The following CD22 variants were observed in gnomAD, a reference collection of about 807,000 sequenced individuals.
CD22 encodes CD22 molecule.
In CD22, 51 loss-of-function variants were observed where a neutral mutation model predicts 94.7. The observed-to-expected ratio is 0.54, with a 90% CI of 0.43 to 0.68. CD22 has a LOEUF of 0.68. CD22 is among the 30% of genes least tolerant of loss of function. The pLI is 0.00. For missense variants in CD22, 931 were observed against 1,060.4 expected (o/e 0.88, Z 1.69); for synonymous variants, 424 against 422.5 (o/e 1.00, Z -0.04).
In CD22 at chr19:35,346,193, C is replaced by T. The variant is rs79438722; in HGVS notation, c.2370C>T (p.Cys790=). 0.048 allele frequency: 76,754 copies of T among 1,613,584 alleles called. 2,068 individuals carry two copies. Among genetic ancestry groups the T allele is most frequent in the Non-Finnish European group, 0.056 (66,561 of 1,179,560 alleles). The change falls in exon 13 of 14, where the codon TGC becomes TGT. Residue 790 remains cysteine, a synonymous_variant. Coordinates refer to ENST00000085219, the MANE Select transcript of CD22 (RefSeq NM_001771.4). ...AGATGCAGAGACCTCCCCCGGACTG[C>T]GATGACACGGTCACTTATTCAGCAT... is the stretch of plus-strand genomic sequence containing the variant. ...SSEMQRPPPD[C]DDTVTYSALH...
At chr19:35,345,005 A>G in intron 10 of CD22, 46 bp from the exon 11 acceptor site, 1 of 1,603,902 alleles carries the variant, frequency 6.2e-7, no homozygotes, top group Non-Finnish European at 8.5e-7. Flanking sequence ...CGAAGCCTCC[A>G]GCCTGTGGAG....
Position 35,341,194 on chromosome 19 carries a change from G to A in CD22, c.1507+56G>A. On this transcript the variant is annotated intron_variant, in intron 7 of 13. Coordinates refer to ENST00000085219, the MANE Select transcript of CD22 (RefSeq NM_001771.4). This position sits in a 1 kb window ranked among gnomAD's most constrained non-coding sequence, Gnocchi z 4.0. ...GGAGGTGGCCCGGCTGGGATGAGGGGATGAAGGCAACGAGGCCGGAGCCTG... is the reference window on the plus strand; with the variant it reads ...GGAGGTGGCCCGGCTGGGATGAGGGAATGAAGGCAACGAGGCCGGAGCCTG... 2.5e-6 allele frequency: 4 copies of A among 1,610,018 alleles called. No individual in the cohort carries two copies. Among genetic ancestry groups the A allele is most frequent in the East Asian group, 2.2e-5 (1 of 44,788 alleles).
At position 35,341,206 on chromosome 19, in the gene CD22, G is replaced by A. The variant is rs191508314; in HGVS notation, c.1507+68G>A. The A allele has an allele frequency of 2.6e-5, 41 of 1,607,438 alleles. No individual in the cohort carries two copies. Among genetic ancestry groups the A allele is most frequent in the African/African-American group, 9.3e-5 (7 of 74,874 alleles). On this transcript the variant is annotated intron_variant, in intron 7 of 13. Transcript: ENST00000085219. This position sits in a 1 kb window ranked among gnomAD's most constrained non-coding sequence, Gnocchi z 4.0. ...GCTGGGATGAGGGGATGAAGGCAAC[G>A]AGGCCGGAGCCTGGGCCAGTGTCTT...
At chr19:35,343,725 A>G (rs1482168152) in intron 9 of CD22, among the ~76,000 whole-genome samples, 8 of 151,722 alleles carry the variant, frequency 5.3e-5, no homozygotes, top group Admixed American at 2.0e-4. Flanking sequence ...GCAGGATCTC[A>G]TCTCTACAAA....
Position 35,341,806 on chromosome 19 carries a change from C to T in CD22, c.1876C>T (p.His626Tyr), listed in dbSNP as rs191533580. ...CESDANPPVS[H>Y]YTWFDWNNQS... Reference sequence around the variant, plus strand: ...GAGCGACGCCAACCCTCCCGTCTCCCACTACACCTGGTTTGACTGGAATAA... The same window carrying T: ...GAGCGACGCCAACCCTCCCGTCTCCTACTACACCTGGTTTGACTGGAATAA... Residue 626 changes from histidine (H) to tyrosine (Y), a missense_variant, in exon 9 of 14, where the codon CAC becomes TAC. Physicochemically the swap from His to Tyr is moderately conservative, Grantham distance 83. Transcript: ENST00000085219. This position sits in a 1 kb window ranked among gnomAD's most constrained non-coding sequence, Gnocchi z 4.0. 475 of 1,613,904 alleles carry T rather than the reference C, an allele frequency of 2.9e-4. No homozygotes were observed. The highest frequency in any genetic ancestry group is 3.8e-4 in the Non-Finnish European group (449 of 1,180,024).
Position 35,332,962 on chromosome 19 carries a change from G to C in CD22, c.412+38G>C, listed in dbSNP as rs763921154. The stretch of plus-strand genomic sequence containing the variant: ...GGGAGCGGGTCCTCTGCTCTGGGCA[G>C]GGGTGAGTGGGAGGCAGGAAATACC... On this transcript the variant is annotated intron_variant, in intron 3 of 13. Transcript: ENST00000085219. The C allele has an allele frequency of 1.1e-5, 17 of 1,586,578 alleles. No individual in the cohort carries two copies. In the Admixed American group the frequency reaches 2.8e-4, roughly 26 times the overall value.
intron 4 of CD22, chr19:35,336,569 T>C (rs528886194): frequency 2.4e-4 from 128 of 542,152 alleles, no homozygotes; most frequent in African/African-American, 2.0e-3. Flanking sequence ...GGGGATTATC[T>C]GGTTAGGTCT....
chr19:35,329,555 T>C, intron 1 of CD22: 1 of 247,544 alleles, frequency 4.0e-6, no homozygotes, highest in Non-Finnish European at 8.5e-6. Flanking sequence ...TGAGCCTCTG[T>C]GCATAATAAC....
chr19:35,346,653 C>A lies in CD22; in HGVS notation c.2500C>A (p.Pro834Thr). 6.2e-7 allele frequency: 1 copy of A among 1,609,022 alleles called. No individual in the cohort carries two copies. Among genetic ancestry groups the A allele is most frequent in the Non-Finnish European group, 8.5e-7 (1 of 1,177,670 alleles). Residue 834 changes from proline to threonine, a missense_variant, in exon 14 of 14, where the codon CCT becomes ACT. Transcript: ENST00000085219. ...ELIQFGVGER[P>T]QAQENVDYVI... ...GATCCAGTTTGGGGTCGGGGAGCGG[C>A]CTCAGGCACAAGAAAATGTGGACTA...
At chr19:35,332,424 C>G in intron 2 of CD22, 123 bp from the exon 3 acceptor site, 1 of 1,070,038 alleles carries the variant, frequency 9.3e-7, no homozygotes, top group Non-Finnish European at 1.3e-6. Context: ...CCAGCTTGGA[C>G]AACATAGCAA....
In CD22 at chr19:35,345,095, G is replaced by A. The variant is rs750230394; in HGVS notation, c.2177G>A (p.Ser726Asn). The change falls in exon 11 of 14, where the codon AGC becomes AAC. Residue 726 changes from serine (S) to asparagine (N), a missense_variant. Physicochemically the swap from Ser to Asn is conservative, Grantham distance 46. Transcript: ENST00000085219. ...QSQQGLQENS[S>N]GQSFFVRNKK... ...CAGCAGGGGCTTCAGGAGAATTCCA[G>A]CGGCCAGAGCTTCTTTGTGAGGAAT... The A allele has an allele frequency of 5.0e-6, 8 of 1,613,880 alleles. No individual in the cohort carries two copies. The highest frequency in any genetic ancestry group is 6.8e-6 in the Non-Finnish European group (8 of 1,179,990).
chr19:35,338,959 G>A (rs2066766462), intron 6 of CD22, among the ~76,000 whole-genome samples: 1 of 151,202 alleles, frequency 6.6e-6, no homozygotes, highest in Non-Finnish European at 1.5e-5. Context: ...ATGAGGCCAG[G>A]TGCGGTGGCT....
intron 1 of CD22, 106 bp from the exon 2 acceptor site, chr19:35,331,913 C>A: frequency 6.3e-7 from 1 of 1,586,430 alleles, no homozygotes; most frequent in South Asian, 1.1e-5. Flanking sequence ...CAGACCCGGT[C>A]CTCCCGGATC....
intron 13 of CD22, 56 bp downstream of exon 13, chr19:35,346,291 G>T: frequency 6.8e-7 from 1 of 1,465,032 alleles, no homozygotes; most frequent in Non-Finnish European, 9.6e-7. Flanking sequence ...TGGGGACAGG[G>T]CCTGGCCTCA....
At chr19:35,342,967 T>G (rs543442386) in intron 9 of CD22, among the ~76,000 whole-genome samples, 1 of 152,040 alleles carries the variant, frequency 6.6e-6, no homozygotes. Context: ...CCTGCCACCA[T>G]GCCCGGCTAA....
At chr19:35,331,752 C>A in intron 1 of CD22, 1 of 435,834 alleles carries the variant, frequency 2.3e-6, no homozygotes, top group Non-Finnish European at 3.8e-6. Flanking sequence ...GGGGCTGAGG[C>A]CAGAGAAACG....
intron 3 of CD22, among the ~76,000 whole-genome samples, chr19:35,333,354 C>T (rs1386845043): frequency 6.6e-6 from 1 of 152,032 alleles, no homozygotes; most frequent in Admixed American, 6.6e-5. Context: ...CATCGCTCAC[C>T]CCAAACTTAG....
chr19:35,344,671 C>G (rs901576805), intron 9 of CD22, 158 bp from the exon 10 acceptor site: 3 of 650,358 alleles, frequency 4.6e-6, no homozygotes, highest in Admixed American at 2.4e-5. Context: ...CCAGAGCAAG[C>G]AGGGGCCGTT....
chr19:35,334,368 T>A (rs1207232797), intron 3 of CD22, among the ~76,000 whole-genome samples: 1 of 151,896 alleles, frequency 6.6e-6, no homozygotes, highest in African/African-American at 2.4e-5. Context: ...ATGTAACTAA[T>A]CATGCATGGA....
Sources: gnomAD v4.1 joint callset for allele counts (sites outside exome capture counted in the v4.1 genomes callset) on GRCh38, gnomAD v4.1.1 for gene constraint, Gnocchi (gnomAD v3.1) non-coding constraint, MANE v1.5 for transcripts, NCBI Gene and HGNC (gene_info 2026-07-23, HGNC 2026-07-21) for gene names.